POLA1: variants seen among roughly 807,000 people sequenced by gnomAD.
POLA1 encodes the protein DNA polymerase alpha 1, catalytic subunit.
POLA1 carries 15 observed loss-of-function variants against 124.0 expected under a neutral mutation model. That is an observed-to-expected ratio of 0.12 (90% CI 0.08 to 0.19). The LOEUF is 0.19. Ranked by LOEUF, POLA1 falls within the 10% of genes least tolerant of loss-of-function variation. The probability of loss-of-function intolerance (pLI) is 1.00; values close to 1 mark genes in which losing one functional copy is unlikely to be tolerated. For synonymous variants in POLA1, 408 were observed against 389.4 expected, an observed-to-expected ratio of 1.05 and a Z score of -0.56; for missense variants, 886 against 1,103.4, an observed-to-expected ratio of 0.80 and a Z score of 2.79.
At chrX:24,712,378 G>T (rs193139844) in intron 4 of POLA1, among the ~76,000 whole-genome samples, 2 of 112,148 alleles carry the variant, frequency 1.8e-5, no homozygotes, top group Non-Finnish European at 3.8e-5. Context: ...GAGCCACCAT[G>T]CCCAGCCTCA....
At chrX:24,863,550 C>T (rs1440741728) in intron 34 of POLA1, among the ~76,000 whole-genome samples, 2 of 111,781 alleles carry the variant, frequency 1.8e-5, no homozygotes, top group Non-Finnish European at 3.8e-5. Context: ...TGTAGCTGTG[C>T]TATCATTAAG....
chrX:24,770,296 G>T (rs1602360117), intron 26 of POLA1, among the ~76,000 whole-genome samples: 1 of 111,145 alleles, frequency 9.0e-6, no homozygotes, highest in East Asian at 2.8e-4. Flanking sequence ...GGAAAGGAAA[G>T]AAATTGCCCT....
At chrX:24,884,631 C>T (rs1464142036) in intron 34 of POLA1, among the ~76,000 whole-genome samples, 1 of 111,816 alleles carries the variant, frequency 8.9e-6, no homozygotes, top group Non-Finnish European at 1.9e-5. Context: ...TAAAATACAC[C>T]ATGACCAAAA....
intron 10 of POLA1, 72 bp from the exon 11 acceptor site, chrX:24,723,083 C>A: frequency 1.4e-6 from 1 of 702,234 alleles, no homozygotes; most frequent in Non-Finnish European, 2.3e-6. Context: ...ATTCAGTGAG[C>A]CTCTATATTG....
chrX:24,942,775 C>T (rs749414932), intron 36 of POLA1, among the ~76,000 whole-genome samples: 1 of 112,213 alleles, frequency 8.9e-6, no homozygotes, highest in South Asian at 3.7e-4. Flanking sequence ...ACTGCAGCCT[C>T]GACCTCCTGG....
intron 35 of POLA1, among the ~76,000 whole-genome samples, chrX:24,905,668 T>A (rs1183883591): frequency 2.8e-5 from 3 of 107,139 alleles, no homozygotes; most frequent in African/African-American, 1.0e-4. Flanking sequence ...GCTTAAGTGA[T>A]TCTCCTGCCT....
chrX:24,765,397 G>A (rs1932880477), intron 26 of POLA1, among the ~76,000 whole-genome samples: 1 of 107,741 alleles, frequency 9.3e-6, no homozygotes, highest in South Asian at 4.2e-4. Context: ...CTGGGTTCAA[G>A]CATTTCTTGT....
intron 23 of POLA1, 121 bp from the exon 24 acceptor site, chrX:24,745,297 G>A: frequency 5.1e-6 from 2 of 393,746 alleles, no homozygotes; most frequent in Non-Finnish European, 8.5e-6. Context: ...CTGTTTCACA[G>A]CTCTGGGTAG....
chrX:24,904,550 C>T (rs766058660), intron 35 of POLA1, among the ~76,000 whole-genome samples: 4 of 110,785 alleles, frequency 3.6e-5, no homozygotes, highest in Non-Finnish European at 7.6e-5. Flanking sequence ...TTCCCTGAAT[C>T]CTCTTTCTCT....
At chrX:24,805,615 C>T (rs1355614399) in intron 26 of POLA1, among the ~76,000 whole-genome samples, 1 of 111,895 alleles carries the variant, frequency 8.9e-6, no homozygotes, top group Non-Finnish European at 1.9e-5. Context: ...AACAATTATT[C>T]TCAACAGCTG....
At chrX:24,774,045 T>G (rs114059630) in intron 26 of POLA1, among the ~76,000 whole-genome samples, 100 of 111,673 alleles carry the variant, frequency 9.0e-4, no homozygotes, top group African/African-American at 3.2e-3. Flanking sequence ...AGAGAGGGCT[T>G]CTTTGGCTAG....
chrX:24,751,838 C>T, intron 26 of POLA1, among the ~76,000 whole-genome samples: 1 of 111,518 alleles, frequency 9.0e-6, no homozygotes, highest in Admixed American at 9.5e-5. Flanking sequence ...TTTGGAATAC[C>T]TTTGTAACTT....
chrX:24,949,162 G>A (rs1269677431), intron 36 of POLA1, among the ~76,000 whole-genome samples: 3 of 112,075 alleles, frequency 2.7e-5, no homozygotes, highest in Non-Finnish European at 3.8e-5. Context: ...CTGCCATAGC[G>A]TCTTAGAAAC....
chrX:24,724,844 G>A (rs1482486273), intron 12 of POLA1, among the ~76,000 whole-genome samples: 1 of 111,925 alleles, frequency 8.9e-6, no homozygotes, highest in East Asian at 2.8e-4. Flanking sequence ...CAGGGACTAT[G>A]ATACAGTCTG....
At chrX:24,989,189 C>T (rs2048509588) in intron 36 of POLA1, among the ~76,000 whole-genome samples, 1 of 111,347 alleles carries the variant, frequency 9.0e-6, no homozygotes, top group Non-Finnish European at 1.9e-5. Context: ...GCAGTATAAA[C>T]TTATCAAAAT....
chrX:24,701,522 G>C (rs774640522), intron 2 of POLA1, among the ~76,000 whole-genome samples: 1 of 105,565 alleles, frequency 9.5e-6, no homozygotes, highest in South Asian at 4.4e-4. Context: ...TGCAACCTCA[G>C]CTTCCCAGGT....
intron 26 of POLA1, among the ~76,000 whole-genome samples, chrX:24,764,410 C>T (rs1466547939): frequency 4.5e-5 from 5 of 112,029 alleles, no homozygotes; most frequent in African/African-American, 1.6e-4. Context: ...CCTTTGTCCA[C>T]CTACACCACT....
intron 4 of POLA1, among the ~76,000 whole-genome samples, chrX:24,705,134 C>G (rs759385359): frequency 1.8e-5 from 2 of 110,838 alleles, no homozygotes; most frequent in African/African-American, 6.6e-5. Context: ...AGATACAGTT[C>G]ACATACCATA....
chrX:24,759,538 T>C (rs1932763479), intron 26 of POLA1, among the ~76,000 whole-genome samples: 1 of 112,187 alleles, frequency 8.9e-6, no homozygotes, highest in Non-Finnish European at 1.9e-5. Context: ...AAGGTCTTGA[T>C]ATTTAAGCCT....
Sources: allele counts gnomAD v4.1 joint callset (sites outside exome capture counted in the v4.1 genomes callset), GRCh38; gene constraint gnomAD v4.1.1; transcripts MANE v1.5; gene names NCBI Gene and HGNC (gene_info 2026-07-23, HGNC 2026-07-21).